DPF3: variants seen among roughly 807,000 people sequenced by gnomAD.
DPF3 encodes the protein zinc finger protein DPF3.
In DPF3, 18 loss-of-function variants were observed where a neutral mutation model predicts 56.8. The ratio of observed to expected loss-of-function variants is 0.32; its 90% CI spans 0.22 to 0.47. The LOEUF is 0.47. DPF3 is among the 20% of genes least tolerant of loss of function. The pLI is 1.00. For synonymous variants in DPF3, 188 were observed against 180.2 expected, an observed-to-expected ratio of 1.04 and a Z score of -0.35; for missense variants, 403 against 488.8, an observed-to-expected ratio of 0.82 and a Z score of 1.65.
intron 1 of DPF3, among the ~76,000 whole-genome samples, chr14:72,812,229 C>T (rs1403135231): frequency 1.3e-5 from 2 of 152,248 alleles, no homozygotes; most frequent in East Asian, 3.9e-4. Context: ...TACCTTTTTC[C>T]CATCCCCACC....
Position 72,629,746 on chromosome 14 carries a change from G to A in DPF3, c.872-10C>T, listed in dbSNP as rs1384621051. 2.8e-5 allele frequency: 43 copies of A among 1,534,016 alleles called. No individual in the cohort carries two copies. The highest frequency in any genetic ancestry group is 2.0e-5 in the Non-Finnish European group (23 of 1,145,134). On this transcript the variant is annotated splice_polypyrimidine_tract_variant and intron_variant, in intron 8 of 10. Coordinates refer to ENST00000556509, the MANE Select transcript of DPF3 (RefSeq NM_001280542.3). The stretch of plus-strand genomic sequence containing the variant: ...AGGCAGGTTGGGTGACCTGGAGGAA[G>A]CCAGAAACAACAGCATTAGGGCCAA...
In DPF3 at chr14:72,822,110, G is replaced by A. The variant is rs371513446; in HGVS notation, c.33-50217C>T. Among the ~76,000 whole-genome samples, 243 of 152,346 alleles carry A rather than the reference G, an allele frequency of 1.6e-3. 1 individual carries two copies. The highest frequency in any genetic ancestry group is 5.3e-3 in the African/African-American group (221 of 41,584). On this transcript the variant is annotated intron_variant, in intron 1 of 10. Coordinates refer to ENST00000556509, the MANE Select transcript of DPF3 (RefSeq NM_001280542.3). ...ATCTAATCTATGTCCTAGGCTGGGC[G>A]CAGTGGCTTGTAATCCCAGCACTTT...
At chr14:72,680,211 G>T (rs929031642) in intron 7 of DPF3, among the ~76,000 whole-genome samples, 1 of 152,218 alleles carries the variant, frequency 6.6e-6, no homozygotes, top group African/African-American at 2.4e-5. Flanking sequence ...CTCGCTGGTC[G>T]TGTTTACTCA....
chr14:72,847,356 C>T (rs1325023502), intron 1 of DPF3, among the ~76,000 whole-genome samples: 1 of 152,168 alleles, frequency 6.6e-6, no homozygotes, highest in South Asian at 2.1e-4. Context: ...ATGAGGGCCA[C>T]GACATATGTC....
rs531928638 is a variant in DPF3 at position 72,676,557 on chromosome 14, A to C, written c.743-2189T>G. 7.5e-4 allele frequency among the ~76,000 whole-genome samples: 114 copies of C among 152,306 alleles called. 1 individual carries two copies. The South Asian group carries it at 0.011, about 14-fold the overall frequency. ...CTCATCTTGAATTGCAGCTCCCATAATCCCCACATGTCATGGGAGAGACTG... is the reference window on the plus strand; with the variant it reads ...CTCATCTTGAATTGCAGCTCCCATACTCCCCACATGTCATGGGAGAGACTG... On this transcript the variant is annotated intron_variant, in intron 7 of 10. Transcript: ENST00000556509.
At chr14:72,799,899 G>C (rs920241849) in intron 1 of DPF3, among the ~76,000 whole-genome samples, 2 of 152,164 alleles carry the variant, frequency 1.3e-5, no homozygotes, top group African/African-American at 2.4e-5. Flanking sequence ...AGATGAAGGA[G>C]AGATGGAGGG....
intron 3 of DPF3, among the ~76,000 whole-genome samples, chr14:72,735,483 G>T (rs1731523453): frequency 6.6e-6 from 1 of 152,102 alleles, no homozygotes; most frequent in African/African-American, 2.4e-5. Flanking sequence ...AGGCACAGTA[G>T]AAGAATCAAG....
Position 72,681,367 on chromosome 14 carries a change from C to A in DPF3, c.743-6999G>T, listed in dbSNP as rs535692785. Among the ~76,000 whole-genome samples, 7 of 152,232 alleles carry A rather than the reference C, an allele frequency of 4.6e-5. No individual in the cohort carries two copies. The South Asian group carries it at 1.5e-3, about 32-fold the overall frequency. On this transcript the variant is annotated intron_variant, in intron 7 of 10. Transcript: ENST00000556509. ...GGAAAGCCACTGCATCTACCTCCCCCAGGAATCCTCTCTCTTAGGCATTTC... is the reference window on the plus strand; with the variant it reads ...GGAAAGCCACTGCATCTACCTCCCCAAGGAATCCTCTCTCTTAGGCATTTC...
rs185704582 is a variant in DPF3, at chr14:72,832,771, T to C, written c.33-60878A>G. On this transcript the variant is annotated intron_variant, in intron 1 of 10. Coordinates refer to ENST00000556509, the MANE Select transcript of DPF3 (RefSeq NM_001280542.3). ...CCACACTCACCATGTTCTCTATCCA[T>C]ATTAGTATTTGGTTTGGGCCATACT... Among the ~76,000 whole-genome samples the C allele has an allele frequency of 8.2e-4, 125 of 152,324 alleles. 1 individual carries two copies. The highest frequency in any genetic ancestry group is 2.6e-3 in the African/African-American group (110 of 41,578).
Position 72,771,890 on chromosome 14 carries a change from G to C in DPF3, c.36C>G (p.Leu12=). ...TGGCTTCCTTGTAGAACTGGTCCCC[G>C]AGCCTGCCAGAGTCAGAGAGTGAAG... ...ATVIHNPLKA[L]GDQFYKEAIE... is the part of the protein sequence containing the mutation. The change falls in exon 2 of 11, where the codon CTC becomes CTG. Residue 12 remains leucine, a synonymous_variant. Coordinates refer to ENST00000556509, the MANE Select transcript of DPF3 (RefSeq NM_001280542.3). The C allele has an allele frequency of 1.3e-6, 2 of 1,579,742 alleles. No individual in the cohort carries two copies. Among genetic ancestry groups the C allele is most frequent in the Non-Finnish European group, 1.7e-6 (2 of 1,163,578 alleles).
chr14:72,614,389 C>T lies in DPF3; in HGVS notation c.*4908G>A, dbSNP rs562421806. Among the ~76,000 whole-genome samples the T allele has an allele frequency of 3.9e-5, 6 of 152,310 alleles. No individual in the cohort carries two copies. The highest frequency in any genetic ancestry group is 1.2e-4 in the African/African-American group (5 of 41,576). Reference sequence around the variant, plus strand: ...TGGGGATGGGAGTAAGATTTCAAAACGGGCAACACACAGCAGGAAGAGGAG... The same window carrying T: ...TGGGGATGGGAGTAAGATTTCAAAATGGGCAACACACAGCAGGAAGAGGAG... On this transcript the variant is annotated 3_prime_UTR_variant, in exon 11 of 11. Coordinates refer to ENST00000556509, the MANE Select transcript of DPF3 (RefSeq NM_001280542.3).
chr14:72,674,146 C>T, intron 8 of DPF3, 94 bp downstream of exon 8: 1 of 1,454,354 alleles, frequency 6.9e-7, no homozygotes, highest in Non-Finnish European at 9.1e-7. Context: ...CCATCGCTTC[C>T]CTCTCCAGTC....
intron 1 of DPF3, among the ~76,000 whole-genome samples, chr14:72,845,433 C>T (rs775859004): frequency 6.6e-6 from 1 of 152,188 alleles, no homozygotes; most frequent in Non-Finnish European, 1.5e-5. Context: ...TACTTGTCCA[C>T]GAGCTAGCCC....
chr14:72,805,069 A>ACACACACACACACACACAC (rs1599457315), intron 1 of DPF3, among the ~76,000 whole-genome samples: 1 of 22,214 alleles, frequency 4.5e-5, no homozygotes, highest in Non-Finnish European at 1.0e-4. Flanking sequence ...CACACACACA[A>ACACACACACACACACACAC]ACACACAGAC....
At chr14:72,720,202 T>G (rs552557814) in intron 5 of DPF3, among the ~76,000 whole-genome samples, 1 of 152,060 alleles carries the variant, frequency 6.6e-6, no homozygotes, top group Non-Finnish European at 1.5e-5. Context: ...CTTTAAATGG[T>G]GGGCAATGAG....
intron 7 of DPF3, among the ~76,000 whole-genome samples, chr14:72,680,779 G>A (rs559859861): frequency 2.6e-4 from 39 of 152,366 alleles, no homozygotes; most frequent in African/African-American, 8.9e-4. Flanking sequence ...GCCAGAGGGC[G>A]GGCTTCTCTG....
chr14:72,812,689 G>C (rs1220858455), intron 1 of DPF3, among the ~76,000 whole-genome samples: 4 of 152,178 alleles, frequency 2.6e-5, no homozygotes, highest in Non-Finnish European at 5.9e-5. Flanking sequence ...GGGGGAGAGG[G>C]CGCTCTAGTA....
In DPF3 at chr14:72,838,908, C is replaced by CTTTTTTTTTTTTTTTTTTTTTTTTTT. The variant is rs376458640; in HGVS notation, c.32+55123_32+55148dup. Among the ~76,000 whole-genome samples the CTTTTTTTTTTTTTTTTTTTTTTTTTT allele has an allele frequency of 5.1e-5, 4 of 78,616 alleles. 1 individual carries two copies. Among genetic ancestry groups the CTTTTTTTTTTTTTTTTTTTTTTTTTT allele is most frequent in the African/African-American group, 2.8e-4 (4 of 14,392 alleles). 51.6% of individuals were successfully genotyped at this position (78,616 alleles called of 152,430 possible). On this transcript the variant is annotated intron_variant, in intron 1 of 10. Coordinates refer to ENST00000556509, the MANE Select transcript of DPF3 (RefSeq NM_001280542.3). ...TATCATATATATTATCATATATATTCTTTTTTTTTTTTTTTTTTTTTTTTT... is the reference window on the plus strand; with the variant it reads ...TATCATATATATTATCATATATATTCTTTTTTTTTTTTTTTTTTTTTTTTTTTTTTTTTTTTTTTTTTTTTTTTTTT...
intron 6 of DPF3, among the ~76,000 whole-genome samples, chr14:72,704,613 T>C (rs964477708): frequency 6.6e-6 from 1 of 152,198 alleles, no homozygotes; most frequent in South Asian, 2.1e-4. Flanking sequence ...TCCATTAGCA[T>C]CTGTTAAGAC....
Sources: gnomAD v4.1 joint callset for allele counts (sites outside exome capture counted in the v4.1 genomes callset) on GRCh38, gnomAD v4.1.1 for gene constraint, MANE v1.5 for transcripts, NCBI Gene and HGNC (gene_info 2026-07-23, HGNC 2026-07-21) for gene names.